Variants in ANHX observed in about 807,000 individuals in gnomAD.
The protein encoded by ANHX is anomalous homeobox protein.
In ANHX, 20 loss-of-function variants were observed where a neutral mutation model predicts 38.9. The ratio of observed to expected loss-of-function variants is 0.51; its 90% confidence interval spans 0.36 to 0.75. The LOEUF (loss-of-function observed/expected upper bound fraction) is 0.75. Ranked by LOEUF, ANHX falls within the 30% of genes least tolerant of loss-of-function variation. The pLI, the probability that ANHX is intolerant of heterozygous loss-of-function variation, is 0.00. For synonymous variants in ANHX, 185 were observed against 203.1 expected, an observed-to-expected ratio of 0.91 and a Z score of 0.76; for missense variants, 475 against 493.1, an observed-to-expected ratio of 0.96 and a Z score of 0.35.
chr12:133,234,058 A>G (rs1957326028), intron 2 of ANHX, 50 bp downstream of exon 2: 24 of 1,517,268 alleles, frequency 1.6e-5, no homozygotes, highest in Non-Finnish European at 2.1e-5. Context: ...GAGGCTGCCT[A>G]AAGAAGTTGC....
At chr12:133,233,184 G>A (rs1282576782) in intron 2 of ANHX, among the ~76,000 whole-genome samples, 2 of 152,136 alleles carry the variant, frequency 1.3e-5, no homozygotes, top group East Asian at 3.9e-4. Context: ...AGGCTGGGAG[G>A]AGTCAGAGGT....
At position 133,234,535 on chromosome 12, in the gene ANHX, A is replaced by T. The variant is rs1011017796; in HGVS notation, c.-22-157T>A. 3.5e-5 allele frequency: 27 copies of T among 774,866 alleles called. No homozygotes were observed. In the African/African-American group the frequency reaches 3.7e-4, roughly 11 times the overall value. The allele number at this position is 774,866 out of a possible 1,614,324, so 48.0% of individuals were successfully genotyped here. On this transcript the variant is annotated intron_variant, in intron 1 of 9. Transcript: ENST00000545940. ...GACCTCACACATCCCGAGAGAGGGCAGCACCATAGCATACACCCTCTAGAA... is the reference window on the plus strand; with the variant it reads ...GACCTCACACATCCCGAGAGAGGGCTGCACCATAGCATACACCCTCTAGAA...
chr12:133,227,034 G>A lies in ANHX; in HGVS notation c.620C>T (p.Ala207Val), dbSNP rs541013188. 2.0e-4 allele frequency: 312 copies of A among 1,536,044 alleles called. 1 individual carries two copies. The African/African-American group carries it at 4.0e-3, about 20-fold the overall frequency. The stretch of plus-strand genomic sequence containing the variant: ...CCTCTCCCTCGCACCAGGGTCTTCA[G>A]CTGTGGCCTGCTGGGCTGGCTTCAT... ...QHMKPAQQAT[A>V]EDPGARERGP... is the part of the protein sequence containing the mutation. The change falls in exon 5 of 10, where the codon GCT (alanine) becomes GTT (valine). Residue 207 changes from alanine to valine, a missense_variant. Physicochemically the swap from Ala to Val is moderately conservative, Grantham distance 64 (BLOSUM62 0). Transcript: ENST00000545940.
Position 133,226,327 on chromosome 12 carries a change from A to T in ANHX, c.830T>A (p.Leu277Gln). ...ATGGAGATGACAGTACCTGACATCC[A>T]GTGGCTTTGAGACTGTCTCATCTGC... ...FPADETVSKP[L>Q]DVRSLPGGEM... The change falls in exon 6 of 10, where the codon CTG (leucine) becomes CAG (glutamine). Residue 277 changes from leucine (L) to glutamine (Q), a missense_variant. By Grantham distance (113) the Leu-to-Gln change is moderately radical. Transcript: ENST00000545940. 3 of 1,536,252 alleles carry T rather than the reference A, an allele frequency of 2.0e-6. No individual in the cohort carries two copies. Among genetic ancestry groups the T allele is most frequent in the Non-Finnish European group, 1.7e-6 (2 of 1,146,904 alleles).
intron 3 of ANHX, among the ~76,000 whole-genome samples, chr12:133,229,777 C>T (rs1213217405): frequency 1.3e-5 from 2 of 152,200 alleles, no homozygotes; most frequent in Non-Finnish European, 2.9e-5. Flanking sequence ...TGGCTGCCGG[C>T]TCAATGTCCT....
intron 6 of ANHX, among the ~76,000 whole-genome samples, 151 bp from the exon 7 acceptor site, chr12:133,225,979 C>CA (rs746869520): frequency 2.0e-4 from 29 of 148,398 alleles, no homozygotes; most frequent in Non-Finnish European, 3.5e-4. Flanking sequence ...GCAAAACAGA[C>CA]AAAGTACTAG....
Position 133,235,857 on chromosome 12 carries a change from G to C in ANHX, c.-73C>G, listed in dbSNP as rs1007880159. The C allele has an allele frequency of 2.0e-5, 3 of 152,006 alleles. No homozygotes were observed. The highest frequency in any genetic ancestry group is 6.5e-5 in the Admixed American group (1 of 15,272). The allele number at this position is 152,006 out of a possible 1,614,324, so 9.4% of individuals were successfully genotyped here. A position where few individuals can be genotyped will look rare whatever the true frequency, so the allele number is the denominator to read the frequency against. ...CGCACGTGCTTGGCGCGCACCCGGG[G>C]CTGGCGAGGAGGCGCTGGGCAGCAC... On this transcript the variant is annotated 5_prime_UTR_variant, in exon 1 of 10. Transcript: ENST00000545940.
intron 3 of ANHX, among the ~76,000 whole-genome samples, chr12:133,231,155 T>C (rs1296180815): frequency 6.6e-6 from 1 of 152,170 alleles, no homozygotes; most frequent in Non-Finnish European, 1.5e-5. Flanking sequence ...CCATCTCCAC[T>C]GTCCCTGGCC....
chr12:133,229,310 C>T (rs1388801470), intron 3 of ANHX, among the ~76,000 whole-genome samples: 2 of 152,188 alleles, frequency 1.3e-5, no homozygotes, highest in East Asian at 3.9e-4. Context: ...ATGATATATG[C>T]ACCAATATTA....
chr12:133,219,414 TG>T, intron 8 of ANHX, 47 bp from the exon 9 acceptor site: 1 of 1,334,116 alleles, frequency 7.5e-7, no homozygotes, highest in Non-Finnish European at 1.0e-6. Flanking sequence ...AAGGGGACAC[TG>T]GGGTGACAAA....
Position 133,218,873 on chromosome 12 carries a change from C to T in ANHX, c.*12G>A. ...GCTCCTCCTGGGGTGCTGTCTGGCT[C>T]CTGGGGATAGCTCAGCCCAGGCTGC... On this transcript the variant is annotated 3_prime_UTR_variant, in exon 10 of 10. Transcript: ENST00000545940. 1 of 1,498,330 alleles carries T rather than the reference C, an allele frequency of 6.7e-7. No individual in the cohort carries two copies. The highest frequency in any genetic ancestry group is 1.2e-5 in the South Asian group (1 of 80,752). The allele number at this position is 1,498,330 out of a possible 1,614,324, so 92.8% of individuals were successfully genotyped here. A position where few individuals can be genotyped will look rare whatever the true frequency, so the allele number is the denominator to read the frequency against.
chr12:133,220,247 GAT>G (rs1249527359), intron 8 of ANHX, among the ~76,000 whole-genome samples: 1 of 152,152 alleles, frequency 6.6e-6, no homozygotes, highest in Non-Finnish European at 1.5e-5. Context: ...CGAAGGAACT[GAT>G]GTTTTCAGGT....
rs1480589027 is a variant in ANHX at position 133,221,355 on chromosome 12, G to A, written c.1133-3C>T. 4 of 1,534,092 alleles carry A rather than the reference G, an allele frequency of 2.6e-6. No individual in the cohort carries two copies. The highest frequency in any genetic ancestry group is 1.4e-5 in the African/African-American group (1 of 72,976). On this transcript the variant is annotated splice_region_variant and splice_polypyrimidine_tract_variant and intron_variant, in intron 7 of 9. Transcript: ENST00000545940. This position sits in a 1 kb window ranked among gnomAD's most constrained non-coding sequence, Gnocchi z 4.1. Reference sequence around the variant, plus strand: ...GCCGCTGGGGGGGCCAGAAAACCCTGCATGTAATGAGATTCCACGGCACAC... The same window carrying A: ...GCCGCTGGGGGGGCCAGAAAACCCTACATGTAATGAGATTCCACGGCACAC...
intron 4 of ANHX, 108 bp downstream of exon 4, chr12:133,227,716 C>A: frequency 7.6e-7 from 1 of 1,318,678 alleles, no homozygotes; most frequent in Non-Finnish European, 1.0e-6. Context: ...AAACCACCAG[C>A]ACCCTGGCGG....
intron 1 of ANHX, chr12:133,235,103 C>G (rs909266647): frequency 1.3e-5 from 2 of 152,156 alleles, no homozygotes; most frequent in South Asian, 4.1e-4. Context: ...GGGACGCGAC[C>G]TCGTCTACTC....
chr12:133,226,313 A>G lies in ANHX; in HGVS notation c.839+5T>C, dbSNP rs559921076. On this transcript the variant is annotated splice_donor_5th_base_variant and intron_variant, in intron 6 of 9. Transcript: ENST00000545940. ...ATGATTCCATGGCCATGGAGATGAC[A>G]GTACCTGACATCCAGTGGCTTTGAG... 2.7e-4 allele frequency: 411 copies of G among 1,536,256 alleles called. No homozygotes were observed. Among genetic ancestry groups the G allele is most frequent in the Non-Finnish European group, 3.4e-4 (390 of 1,146,910 alleles).
chr12:133,231,912 C>T (rs538232526), intron 2 of ANHX, among the ~76,000 whole-genome samples: 5 of 152,318 alleles, frequency 3.3e-5, no homozygotes, highest in South Asian at 4.1e-4. Flanking sequence ...GGCAGATGCA[C>T]TCACATCAGT....
In ANHX at chr12:133,218,432, T is replaced by C. The variant is rs987825758; in HGVS notation, c.*453A>G. On this transcript the variant is annotated 3_prime_UTR_variant, in exon 10 of 10. Transcript: ENST00000545940. ...TGCCTAGGCCATTCGCAGACAGGTT[T>C]GCCTCCCAGTACTCAAGGGAGAAGC... 5 of 154,028 alleles carry C rather than the reference T, an allele frequency of 3.2e-5. No homozygotes were observed. The highest frequency in any genetic ancestry group is 1.2e-4 in the African/African-American group (5 of 41,526). 9.5% of individuals were successfully genotyped at this position (154,028 alleles called of 1,614,324 possible). A position where few individuals can be genotyped will look rare whatever the true frequency, so the allele number is the denominator to read the frequency against.
At chr12:133,219,029 C>CAGGTGGGAGGGCAGG in intron 9 of ANHX, 58 bp from the exon 10 acceptor site, 2 of 1,451,174 alleles carry the variant, frequency 1.4e-6, no homozygotes, top group Non-Finnish European at 1.9e-6. Flanking sequence ...AAGACCTGCC[C>CAGGTGGGAGGGCAGG]TCCCACCTGG....
Sources: gnomAD v4.1 joint callset for allele counts (sites outside exome capture counted in the v4.1 genomes callset) on GRCh38, gnomAD v4.1.1 for gene constraint, Gnocchi (gnomAD v3.1) non-coding constraint, MANE v1.5 for transcripts, NCBI Gene and HGNC (gene_info 2026-07-23, HGNC 2026-07-21) for gene names.